The following ABHD3 variants were observed in gnomAD, a reference collection of about 807,000 sequenced individuals.
The protein encoded by ABHD3 is phospholipase ABHD3.
In ABHD3, 46 loss-of-function variants were observed where a neutral mutation model predicts 48.8. The observed-to-expected ratio is 0.94, with a 90% CI of 0.74 to 1.20. The LOEUF is 1.20. Among genes scored for constraint, ABHD3 ranks in the 50% most tolerant of loss-of-function variants. The probability of loss-of-function intolerance (pLI) is 0.00; values close to 1 mark genes in which losing one functional copy is unlikely to be tolerated. For synonymous variants in ABHD3, 192 were observed against 183.7 expected, an observed-to-expected ratio of 1.04 and a Z score of -0.36; for missense variants, 490 against 497.8, an observed-to-expected ratio of 0.98 and a Z score of 0.15.
At chr18:21,663,995 T>C (rs2039562999) in intron 5 of ABHD3, 123 bp downstream of exon 5, 2 of 1,437,130 alleles carry the variant, frequency 1.4e-6, no homozygotes, top group African/African-American at 1.4e-5. Flanking sequence ...TAATAAAATA[T>C]GATAAACATA....
chr18:21,703,218 A>ACC (rs745583701), intron 2 of ABHD3, among the ~76,000 whole-genome samples: 2,775 of 62,924 alleles, frequency 0.044, 86 homozygotes, highest in Non-Finnish European at 0.063. Flanking sequence ...TTCTCACCCC[A>ACC]CCCCCCCCCC....
intron 3 of ABHD3, among the ~76,000 whole-genome samples, chr18:21,686,409 T>C (rs2040129987): frequency 6.6e-6 from 1 of 152,214 alleles, no homozygotes; most frequent in Admixed American, 6.5e-5. Context: ...AAATGGCTTC[T>C]GGAGCAAGAT....
chr18:21,659,474 G>A, intron 5 of ABHD3, 131 bp from the exon 6 acceptor site: 14 of 800,590 alleles, frequency 1.7e-5, no homozygotes, highest in Non-Finnish European at 2.7e-5. Flanking sequence ...CCTCTATCCT[G>A]GAAAAGCATG....
At chr18:21,659,830 C>T (rs937500598) in intron 5 of ABHD3, among the ~76,000 whole-genome samples, 4 of 151,966 alleles carry the variant, frequency 2.6e-5, no homozygotes, top group African/African-American at 4.8e-5. Flanking sequence ...CACCACGCCC[C>T]GGTAATTTTT....
At chr18:21,663,645 C>G in intron 5 of ABHD3, 1 of 1,532,386 alleles carries the variant, frequency 6.5e-7, no homozygotes, top group Non-Finnish European at 8.7e-7. Context: ...TTCCATTTGC[C>G]CAGCAACAAA....
At chr18:21,690,657 G>T (rs548632299) in intron 3 of ABHD3, among the ~76,000 whole-genome samples, 15 of 150,900 alleles carry the variant, frequency 9.9e-5, no homozygotes, top group African/African-American at 3.7e-4. Context: ...AAATGAATAA[G>T]AACCTCAATT....
At chr18:21,701,225 T>C (rs912558514) in intron 3 of ABHD3, 14 of 152,098 alleles carry the variant, frequency 9.2e-5, no homozygotes, top group Admixed American at 1.3e-4. Context: ...TTTTTTTTTT[T>C]TCTTTTTGCC....
chr18:21,678,538 T>C (rs1387909274), intron 4 of ABHD3, among the ~76,000 whole-genome samples: 1 of 152,160 alleles, frequency 6.6e-6, no homozygotes, highest in Non-Finnish European at 1.5e-5. Context: ...ATATTAGTTA[T>C]AGGATCTATA....
intron 8 of ABHD3, among the ~76,000 whole-genome samples, chr18:21,652,243 A>G (rs1174878425): frequency 5.3e-5 from 8 of 152,124 alleles, no homozygotes; most frequent in Admixed American, 5.2e-4. Context: ...TTGTAATCCT[A>G]GCACTTTGGG....
At chr18:21,672,508 A>T (rs537490375) in intron 4 of ABHD3, among the ~76,000 whole-genome samples, 1 of 152,360 alleles carries the variant, frequency 6.6e-6, no homozygotes, top group South Asian at 2.1e-4. Context: ...TTCATTGAGT[A>T]TTCCTCTCTC....
At chr18:21,676,231 A>G (rs971216880) in intron 4 of ABHD3, among the ~76,000 whole-genome samples, 1 of 152,228 alleles carries the variant, frequency 6.6e-6, no homozygotes, top group African/African-American at 2.4e-5. Flanking sequence ...AGTCAAAACC[A>G]GCTCTGAACT....
At chr18:21,683,756 C>T (rs953637323) in intron 4 of ABHD3, 164 bp downstream of exon 4, 7 of 516,066 alleles carry the variant, frequency 1.4e-5, no homozygotes, top group Admixed American at 4.2e-5. Context: ...ATACAATTAT[C>T]GGTCTTGTAA....
At chr18:21,675,204 T>C (rs1295545332) in intron 4 of ABHD3, among the ~76,000 whole-genome samples, 1 of 151,292 alleles carries the variant, frequency 6.6e-6, no homozygotes, top group Non-Finnish European at 1.5e-5. Flanking sequence ...ATCAGCTTTA[T>C]GACTTCTGAT....
chr18:21,689,979 A>G (rs951688167), intron 3 of ABHD3, among the ~76,000 whole-genome samples: 9 of 152,156 alleles, frequency 5.9e-5, no homozygotes, highest in African/African-American at 2.2e-4. Context: ...ATGAAGAAAC[A>G]GGAAAACATG....
intron 3 of ABHD3, among the ~76,000 whole-genome samples, chr18:21,692,646 C>T (rs1011927480): frequency 2.2e-4 from 33 of 152,294 alleles, no homozygotes; most frequent in African/African-American, 5.5e-4. Context: ...AAGCTGGAAA[C>T]GAATGATACA....
At chr18:21,666,676 G>A (rs898853971) in intron 4 of ABHD3, among the ~76,000 whole-genome samples, 1 of 152,134 alleles carries the variant, frequency 6.6e-6, no homozygotes, top group African/African-American at 2.4e-5. Flanking sequence ...AGCCTCAGCT[G>A]TACTACACTG....
chr18:21,671,273 G>A (rs943998928), intron 4 of ABHD3, among the ~76,000 whole-genome samples: 2 of 152,028 alleles, frequency 1.3e-5, no homozygotes, highest in African/African-American at 4.8e-5. Context: ...TCGCACAGCC[G>A]CTTGCTGCTT....
chr18:21,674,632 C>T (rs557233796), intron 4 of ABHD3, among the ~76,000 whole-genome samples: 1 of 152,118 alleles, frequency 6.6e-6, no homozygotes, highest in South Asian at 2.1e-4. Flanking sequence ...TAAATGTGTT[C>T]ACACCTACAC....
At chr18:21,682,979 TC>T (rs1216710189) in intron 4 of ABHD3, 3 of 152,280 alleles carry the variant, frequency 2.0e-5, no homozygotes, top group Admixed American at 2.0e-4. Context: ...ATCGTGTTGA[TC>T]TTCATTTCCT....
Sources: allele counts gnomAD v4.1 joint callset (sites outside exome capture counted in the v4.1 genomes callset), GRCh38; gene constraint gnomAD v4.1.1; transcripts MANE v1.5; gene names NCBI Gene and HGNC (gene_info 2026-07-23, HGNC 2026-07-21).